GUCA1C: variants seen among roughly 807,000 people sequenced by gnomAD.
GUCA1C encodes guanylate cyclase activator 1C.
In GUCA1C, 15 loss-of-function variants were observed where a neutral mutation model predicts 16.2. That is an observed-to-expected ratio of 0.93 (90% CI 0.62 to 1.43). The LOEUF (loss-of-function observed/expected upper bound fraction) is 1.43. Ranked by LOEUF, GUCA1C falls within the 40% of genes most tolerant of loss-of-function variation. The pLI, the probability that GUCA1C is intolerant of heterozygous loss-of-function variation, is 0.00. For missense variants in GUCA1C, 275 were observed against 244.8 expected (o/e 1.12, Z -0.82); for synonymous variants, 78 against 85.4 (o/e 0.91, Z 0.48).
intron 1 of GUCA1C, among the ~76,000 whole-genome samples, chr3:108,942,766 G>T (rs1171264166): frequency 1.3e-5 from 2 of 152,152 alleles, no homozygotes; most frequent in African/African-American, 2.4e-5. Context: ...CTGAGGATGT[G>T]CCTATCTTCC....
chr3:108,923,378 T>C (rs996329902), intron 1 of GUCA1C, among the ~76,000 whole-genome samples: 5 of 152,208 alleles, frequency 3.3e-5, no homozygotes, highest in Admixed American at 2.6e-4. Context: ...GGCTTGCCAA[T>C]TATCCCAGCA....
intron 1 of GUCA1C, among the ~76,000 whole-genome samples, chr3:108,946,654 T>G (rs1946846935): frequency 6.6e-6 from 1 of 152,138 alleles, no homozygotes; most frequent in African/African-American, 2.4e-5. Context: ...AATACCGGTT[T>G]ATAGGTAATA....
intron 1 of GUCA1C, among the ~76,000 whole-genome samples, chr3:108,937,009 G>A (rs13097279): frequency 0.052 from 7,961 of 152,068 alleles, 333 homozygotes; most frequent in Middle Eastern, 0.12. Context: ...CCACCCGCCC[G>A]TAAGTTTAAC....
At chr3:108,937,885 A>C (rs919397927) in intron 1 of GUCA1C, among the ~76,000 whole-genome samples, 1 of 152,182 alleles carries the variant, frequency 6.6e-6, no homozygotes, top group East Asian at 1.9e-4. Context: ...AGCCTGACAA[A>C]GATGGTGAAA....
intron 2 of GUCA1C, among the ~76,000 whole-genome samples, chr3:108,918,052 TA>T (rs201559623): frequency 9.9e-5 from 15 of 151,892 alleles, no homozygotes; most frequent in African/African-American, 2.4e-4. Context: ...CTCAAAAAAA[TA>T]AAAAAAACTC....
At chr3:108,943,642 C>T (rs903091701) in intron 1 of GUCA1C, among the ~76,000 whole-genome samples, 4 of 151,872 alleles carry the variant, frequency 2.6e-5, no homozygotes, top group African/African-American at 4.8e-5. Flanking sequence ...AGCCCTCCTT[C>T]GTAAAGGAGG....
At chr3:108,909,367 G>A (rs1946424566) in intron 3 of GUCA1C, among the ~76,000 whole-genome samples, 2 of 152,160 alleles carry the variant, frequency 1.3e-5, no homozygotes, top group African/African-American at 2.4e-5. Context: ...TAAACCATAG[G>A]GAGTAGAGAA....
chr3:108,927,693 T>A (rs906378436), intron 1 of GUCA1C, among the ~76,000 whole-genome samples: 1 of 152,228 alleles, frequency 6.6e-6, no homozygotes, highest in Non-Finnish European at 1.5e-5. Flanking sequence ...CTTCCTTGAT[T>A]AGCTTAATAA....
At chr3:108,944,928 G>C (rs1344723580) in intron 1 of GUCA1C, among the ~76,000 whole-genome samples, 2 of 152,214 alleles carry the variant, frequency 1.3e-5, no homozygotes, top group African/African-American at 4.8e-5. Context: ...AGGAGACTTG[G>C]AGAGGAGTAA....
At chr3:108,937,592 T>C (rs1576553693) in intron 1 of GUCA1C, among the ~76,000 whole-genome samples, 1 of 152,166 alleles carries the variant, frequency 6.6e-6, no homozygotes, top group East Asian at 1.9e-4. Context: ...CTAATAATAA[T>C]AACATAATAA....
In GUCA1C at chr3:108,953,594, T is replaced by C; in HGVS notation, c.169A>G (p.Ile57Val). 1 of 1,609,840 alleles carries C rather than the reference T, an allele frequency of 6.2e-7. No homozygotes were observed. Among genetic ancestry groups the C allele is most frequent in the Non-Finnish European group, 8.5e-7 (1 of 1,176,110 alleles). Residue 57 changes from isoleucine (I) to valine (V), a missense_variant, in exon 1 of 4, where the codon ATT becomes GTT. Transcript: ENST00000261047. ...TCAAAGGTATTATAAACTTGATCAATATGTTTATTGGCCTTCTGATTCAGA... is the reference window on the plus strand; with the variant it reads ...TCAAAGGTATTATAAACTTGATCAACATGTTTATTGGCCTTCTGATTCAGA... Reference protein sequence around the residue: ...QGLNQKANKHIDQVYNTFDTN... With the variant: ...QGLNQKANKHVDQVYNTFDTN...
At chr3:108,910,273 C>A in intron 3 of GUCA1C, among the ~76,000 whole-genome samples, 1 of 151,990 alleles carries the variant, frequency 6.6e-6, no homozygotes, top group East Asian at 1.9e-4. Flanking sequence ...CCAAGGTGGG[C>A]GGATCACGAG....
chr3:108,950,444 A>C (rs990351684), intron 1 of GUCA1C, among the ~76,000 whole-genome samples: 1 of 152,016 alleles, frequency 6.6e-6, no homozygotes, highest in Non-Finnish European at 1.5e-5. Context: ...TGGTAGTTCT[A>C]TTTTTAATTT....
chr3:108,916,620 G>A (rs1204158978), intron 2 of GUCA1C, among the ~76,000 whole-genome samples: 1 of 152,194 alleles, frequency 6.6e-6, no homozygotes, highest in Non-Finnish European at 1.5e-5. Context: ...AATGCTGTAA[G>A]AGTCTCAAGC....
At chr3:108,954,823 A>G (rs1576561124), upstream of GUCA1C, among the ~76,000 whole-genome samples, 1 of 138,690 alleles carries the variant, frequency 7.2e-6, no homozygotes, top group Non-Finnish European at 1.5e-5. Context: ...TGCAAGCTCC[A>G]CCTCCTGGGT....
chr3:108,920,798 C>T (rs1946562823), intron 1 of GUCA1C, among the ~76,000 whole-genome samples: 1 of 151,998 alleles, frequency 6.6e-6, no homozygotes, highest in South Asian at 2.1e-4. Flanking sequence ...AGTAAATAGG[C>T]ATTATTTTTT....
intron 3 of GUCA1C, among the ~76,000 whole-genome samples, chr3:108,912,855 T>G (rs926244414): frequency 6.6e-6 from 1 of 152,184 alleles, no homozygotes; most frequent in South Asian, 2.1e-4. Flanking sequence ...GAGCACCTAC[T>G]GTGTGCCAGC....
At chr3:108,940,060 C>T (rs998074498) in intron 1 of GUCA1C, among the ~76,000 whole-genome samples, 2 of 152,098 alleles carry the variant, frequency 1.3e-5, no homozygotes, top group African/African-American at 2.4e-5. Context: ...AGAAGCTTAA[C>T]CAAAATGTTG....
At chr3:108,930,859 C>T (rs767142333) in intron 1 of GUCA1C, among the ~76,000 whole-genome samples, 10 of 152,062 alleles carry the variant, frequency 6.6e-5, no homozygotes, top group East Asian at 1.9e-4. Flanking sequence ...CTGAGACAAG[C>T]GAAATATGTT....
Sources: gnomAD v4.1 joint callset for allele counts (sites outside exome capture counted in the v4.1 genomes callset) on GRCh38, gnomAD v4.1.1 for gene constraint, MANE v1.5 for transcripts, NCBI Gene and HGNC (gene_info 2026-07-23, HGNC 2026-07-21) for gene names.